Variants in XPOT observed in about 807,000 individuals in gnomAD.
XPOT encodes exportin-T.
In XPOT, 34 loss-of-function variants were observed where a neutral mutation model predicts 128.2. That is an observed-to-expected ratio of 0.27 (90% CI 0.20 to 0.35). The LOEUF (loss-of-function observed/expected upper bound fraction) is 0.35, where lower values mean the gene tolerates loss of function less well. XPOT is among the 10% of genes least tolerant of loss of function. XPOT has a pLI of 1.00. For missense variants in XPOT, 838 were observed against 1,125.3 expected (o/e 0.74, Z 3.65); for synonymous variants, 348 against 394.3 (o/e 0.88, Z 1.39).
chr12:64,430,200 T>G lies in XPOT; in HGVS notation c.1889T>G (p.Ile630Ser). 1 of 1,613,438 alleles carries G rather than the reference T, an allele frequency of 6.2e-7. No homozygotes were observed. Among genetic ancestry groups the G allele is most frequent in the Admixed American group, 1.7e-5 (1 of 59,818 alleles). The change falls in exon 17 of 25, where the codon ATT (isoleucine) becomes AGT (serine). Residue 630 changes from isoleucine to serine, a missense_variant. Around this residue, in one of 3 missense-constraint regions of XPOT, gnomAD observed 761 missense variants for 988.3 expected, o/e 0.77. Coordinates refer to ENST00000332707, the MANE Select transcript of XPOT (RefSeq NM_007235.6). ...ACTCCACTAATGGAGAAGTTTAAAA[T>G]TCTGTTAGAAAAGTTGATGCTGGCA... Reference protein sequence around the residue: ...LLTPLMEKFKILLEKLMLAQD... With the variant: ...LLTPLMEKFKSLLEKLMLAQD...
chr12:64,426,754 G>A (rs2040195950), intron 15 of XPOT, among the ~76,000 whole-genome samples: 1 of 152,232 alleles, frequency 6.6e-6, no homozygotes, highest in Non-Finnish European at 1.5e-5. Flanking sequence ...AGGCTGAGGC[G>A]GGTGGATCAC....
In XPOT at chr12:64,420,353, G is replaced by A. The variant is rs370932701; in HGVS notation, c.675G>A (p.Arg225=). ...WIDLSLIAND[R]FINMLLGHMS... is the part of the protein sequence containing the mutation. Reference sequence around the variant, plus strand: ...TACAATTTTATTGTCCCATTACCAGGTTTATAAATATGCTGCTAGGTCATA... The same window carrying A: ...TACAATTTTATTGTCCCATTACCAGATTTATAAATATGCTGCTAGGTCATA... Residue 225 remains arginine (R), a splice_region_variant and synonymous_variant, in exon 8 of 25, where the codon AGG becomes AGA. Transcript: ENST00000332707. The A allele has an allele frequency of 3.4e-5, 54 of 1,610,476 alleles. No individual in the cohort carries two copies. Among genetic ancestry groups the A allele is most frequent in the Non-Finnish European group, 4.5e-5 (53 of 1,179,010 alleles).
chr12:64,405,717 C>G (rs1218247076), intron 1 of XPOT, among the ~76,000 whole-genome samples: 2 of 152,156 alleles, frequency 1.3e-5, no homozygotes, highest in African/African-American at 4.8e-5. Context: ...CTCCCAGGTT[C>G]AAGTGATTCT....
Position 64,418,833 on chromosome 12 carries a change from T to A in XPOT, c.271-43T>A, listed in dbSNP as rs1361821840. Reference sequence around the variant, plus strand: ...AGACAACTGGTGTTTCTGGGTCTTTTCAATTTACATTTAATTTTATGGACT... The same window carrying A: ...AGACAACTGGTGTTTCTGGGTCTTTACAATTTACATTTAATTTTATGGACT... On this transcript the variant is annotated intron_variant, in intron 5 of 24. Coordinates refer to ENST00000332707, the MANE Select transcript of XPOT (RefSeq NM_007235.6). 5 of 1,586,828 alleles carry A rather than the reference T, an allele frequency of 3.2e-6. No individual in the cohort carries two copies. The African/African-American group carries it at 6.8e-5, about 22-fold the overall frequency.
In XPOT at chr12:64,434,565, A is replaced by C; in HGVS notation, c.2511A>C (p.Pro837=). ...VTVIQGAVEY[P]DPIAQKTCFI... Reference sequence around the variant, plus strand: ...TTATCCAAGGAGCAGTTGAATATCCAGATCCAATTGCACAGAAAACATGTT... The same window carrying C: ...TTATCCAAGGAGCAGTTGAATATCCCGATCCAATTGCACAGAAAACATGTT... Residue 837 remains proline (P), a synonymous_variant, in exon 20 of 25, where the codon CCA becomes CCC. Coordinates refer to ENST00000332707, the MANE Select transcript of XPOT (RefSeq NM_007235.6). 1 of 1,614,156 alleles carries C rather than the reference A, an allele frequency of 6.2e-7. No homozygotes were observed. The highest frequency in any genetic ancestry group is 8.5e-7 in the Non-Finnish European group (1 of 1,179,990).
At chr12:64,440,852 CCTT>C (rs1421425721) in intron 23 of XPOT, among the ~76,000 whole-genome samples, 29 of 151,970 alleles carry the variant, frequency 1.9e-4, no homozygotes, top group Admixed American at 1.9e-3. Context: ...GAAATTAACC[CCTT>C]ATCAGATAAA....
chr12:64,449,023 A>T lies in XPOT; in HGVS notation c.*892A>T, dbSNP rs543760850. ...AGACTAGCCTGGCCAACATGGTGAA[A>T]CCCCATCTCTACTAAAAATACAACA... On this transcript the variant is annotated 3_prime_UTR_variant, in exon 25 of 25. Transcript: ENST00000332707. 1 of 152,038 alleles carries T rather than the reference A, an allele frequency of 6.6e-6. No homozygotes were observed. The highest frequency in any genetic ancestry group is 6.6e-5 in the Admixed American group (1 of 15,252). 9.4% of individuals were successfully genotyped at this position (152,038 alleles called of 1,614,324 possible).
At chr12:64,416,353 C>A (rs2040087304) in intron 3 of XPOT, among the ~76,000 whole-genome samples, 1 of 152,132 alleles carries the variant, frequency 6.6e-6, no homozygotes, top group Non-Finnish European at 1.5e-5. Context: ...TTACACCTAA[C>A]CTGTTATTGT....
chr12:64,425,589 T>A, intron 14 of XPOT, 132 bp downstream of exon 14: 1 of 1,197,622 alleles, frequency 8.3e-7, no homozygotes, highest in Non-Finnish European at 1.2e-6. Context: ...ACACTGAAAG[T>A]AACCCCTCCT....
rs1270020632 is a variant in XPOT at position 64,425,795 on chromosome 12, A to T, written c.1573-20A>T. ...ACCCTTGAAAAAATGCAGAAATAGT[A>T]AAAGTGTCTCCTTCTTTAGATGGCT... On this transcript the variant is annotated intron_variant, in intron 14 of 24. Coordinates refer to ENST00000332707, the MANE Select transcript of XPOT (RefSeq NM_007235.6). The T allele has an allele frequency of 6.2e-7, 1 of 1,609,234 alleles. No individual in the cohort carries two copies. The highest frequency in any genetic ancestry group is 1.1e-5 in the South Asian group (1 of 90,800).
intron 16 of XPOT, 53 bp downstream of exon 16, chr12:64,428,173 G>A (rs1034257428): frequency 1.4e-5 from 18 of 1,251,116 alleles, no homozygotes; most frequent in African/African-American, 3.0e-5. Context: ...GAAGCCACAC[G>A]TGCCATTAGC....
chr12:64,444,922 A>G (rs902054789), intron 23 of XPOT, among the ~76,000 whole-genome samples, 153 bp from the exon 24 acceptor site: 2 of 150,448 alleles, frequency 1.3e-5, no homozygotes, highest in Non-Finnish European at 3.0e-5. Flanking sequence ...ACAGTGAGCT[A>G]TGATCACACC....
chr12:64,427,178 G>C (rs913045625), intron 15 of XPOT, among the ~76,000 whole-genome samples: 1 of 141,088 alleles, frequency 7.1e-6, no homozygotes. Context: ...GGAGTACAAT[G>C]GCATGATCTT....
intron 22 of XPOT, among the ~76,000 whole-genome samples, chr12:64,438,038 A>C (rs1026252419): frequency 9.9e-5 from 15 of 152,146 alleles, no homozygotes; most frequent in African/African-American, 3.6e-4. Flanking sequence ...ATTATGAAAG[A>C]TAAGAGAAGA....
rs557052816 is a variant in XPOT at position 64,432,903 on chromosome 12, A to C, written c.2263-511A>C. Among the ~76,000 whole-genome samples, 7 of 152,322 alleles carry C rather than the reference A, an allele frequency of 4.6e-5. No homozygotes were observed. The East Asian group carries it at 1.3e-3, about 29-fold the overall frequency. ...ATCTTAAGCTGTAGGAAAGGGTTTAAATTTAATGATCTTGAGTCTTTTAGT... is the reference window on the plus strand; with the variant it reads ...ATCTTAAGCTGTAGGAAAGGGTTTACATTTAATGATCTTGAGTCTTTTAGT... On this transcript the variant is annotated intron_variant, in intron 18 of 24. Transcript: ENST00000332707.
intron 14 of XPOT, 98 bp downstream of exon 14, chr12:64,425,555 A>G (rs2040184621): frequency 2.0e-6 from 3 of 1,465,762 alleles, no homozygotes; most frequent in Non-Finnish European, 2.8e-6. Flanking sequence ...CTCAGAATCA[A>G]AACCTCTCAG....
At chr12:64,418,435 C>T (rs768807302) in intron 5 of XPOT, among the ~76,000 whole-genome samples, 3 of 152,170 alleles carry the variant, frequency 2.0e-5, no homozygotes, top group Non-Finnish European at 4.4e-5. Flanking sequence ...ACAGCCTCTC[C>T]ACCAGAGCCC....
At chr12:64,423,366 G>C (rs1041860657) in intron 11 of XPOT, 122 bp downstream of exon 11, 12 of 641,776 alleles carry the variant, frequency 1.9e-5, no homozygotes, top group Non-Finnish European at 3.1e-5. Flanking sequence ...AAATTAGTCT[G>C]TTTATATTGA....
chr12:64,430,285 A>C lies in XPOT; in HGVS notation c.1974A>C (p.Ala658=), dbSNP rs767424500. Residue 658 remains alanine (A), a splice_region_variant and synonymous_variant, in exon 17 of 25, where the codon GCA becomes GCC. Coordinates refer to ENST00000332707, the MANE Select transcript of XPOT (RefSeq NM_007235.6). The stretch of plus-strand genomic sequence containing the variant: ...GTCTTAACCATGCTGTTGGATTTGC[A>C]AGGTAAGTGTGATCACAGTTAAAAT... ...ADCLNHAVGF[A]SRTSKAFSNK... The C allele has an allele frequency of 9.0e-6, 14 of 1,563,344 alleles. No individual in the cohort carries two copies. The highest frequency in any genetic ancestry group is 6.0e-6 in the Non-Finnish European group (7 of 1,159,554).
Sources: allele counts gnomAD v4.1 joint callset (sites outside exome capture counted in the v4.1 genomes callset), GRCh38; gene constraint gnomAD v4.1.1; regional missense constraint gnomAD v4.1.1; transcripts MANE v1.5; gene names NCBI Gene and HGNC (gene_info 2026-07-23, HGNC 2026-07-21).